Variants in PRKCZ observed in about 807,000 individuals in gnomAD.
PRKCZ encodes protein kinase C zeta type.
In PRKCZ, 33 loss-of-function variants were observed where a neutral mutation model predicts 79.5. The observed-to-expected ratio is 0.41, with a 90% CI of 0.31 to 0.55. The LOEUF is 0.55. PRKCZ is among the 20% of genes least tolerant of loss of function. The pLI is 0.19. For synonymous variants in PRKCZ, 342 were observed against 320.9 expected (o/e 1.07, Z -0.70); for missense variants, 578 against 813.5 (o/e 0.71, Z 3.52).
chr1:2,122,697 T>G (rs1250947496), intron 4 of PRKCZ, among the ~76,000 whole-genome samples: 1 of 5,136 alleles, frequency 1.9e-4, no homozygotes, highest in Non-Finnish European at 2.8e-4. Flanking sequence ...TGGTTAGGGT[T>G]GTGGTGGTTA....
chr1:2,154,657 C>T (rs1240399866), intron 9 of PRKCZ, among the ~76,000 whole-genome samples: 1 of 152,174 alleles, frequency 6.6e-6, no homozygotes, highest in Non-Finnish European at 1.5e-5. Context: ...GTAATCGCAC[C>T]CCTGTGATCC....
chr1:2,110,845 G>T (rs1253910029), intron 4 of PRKCZ, among the ~76,000 whole-genome samples: 1 of 151,936 alleles, frequency 6.6e-6, no homozygotes, highest in Non-Finnish European at 1.5e-5. Flanking sequence ...TCCCTGTAGG[G>T]GCTGGTGACA....
At position 2,179,010 on chromosome 1, in the gene PRKCZ, C is replaced by T. The variant is rs539511657; in HGVS notation, c.1575+3697C>T. 2.0e-3 allele frequency among the ~76,000 whole-genome samples: 310 copies of T among 152,320 alleles called. 3 individuals carry two copies. In the Middle Eastern group the frequency reaches 0.031, roughly 15 times the overall value. ...GCCACTGGGGTGTGACTCTGGGGCC[C>T]GGCACCGGGTCCCCAACACTGCTTT... On this transcript the variant is annotated intron_variant, in intron 16 of 17. Coordinates refer to ENST00000378567, the MANE Select transcript of PRKCZ (RefSeq NM_002744.6).
At chr1:2,135,448 C>A in intron 5 of PRKCZ, 101 bp downstream of exon 5, 1 of 1,120,640 alleles carries the variant, frequency 8.9e-7, no homozygotes, top group Non-Finnish European at 1.3e-6. Flanking sequence ...CCAGGCTGGG[C>A]TCTTTTTGGC....
At position 2,155,133 on chromosome 1, in the gene PRKCZ, CGAT is replaced by C. The variant is rs535195689; in HGVS notation, c.877-857_877-855del. 2.2e-3 allele frequency among the ~76,000 whole-genome samples: 341 copies of C among 151,632 alleles called. 1 individual carries two copies. The highest frequency in any genetic ancestry group is 7.8e-3 in the African/African-American group (322 of 41,250). The stretch of plus-strand genomic sequence containing the variant: ...ATGATGATGGTGACAATGATGGTGA[CGAT>C]GATGGTGATGATGGTGATGATGGTG... On this transcript the variant is annotated intron_variant, in intron 9 of 17. Transcript: ENST00000378567.
intron 4 of PRKCZ, among the ~76,000 whole-genome samples, chr1:2,122,501 T>C (rs867780756): frequency 1.6e-4 from 1 of 6,214 alleles, no homozygotes; most frequent in African/African-American, 8.0e-4. Flanking sequence ...AGGGTCACGG[T>C]GGTAGTTAGG....
At chr1:2,153,444 C>CAGAGCT (rs1444273005) in intron 9 of PRKCZ, among the ~76,000 whole-genome samples, 1 of 152,190 alleles carries the variant, frequency 6.6e-6, no homozygotes, top group Admixed American at 6.5e-5. Flanking sequence ...GCTGGGAGGG[C>CAGAGCT]AGAGCTGGGG....
At chr1:2,139,762 G>A (rs1330691972) in intron 5 of PRKCZ, among the ~76,000 whole-genome samples, 3 of 152,168 alleles carry the variant, frequency 2.0e-5, no homozygotes, top group South Asian at 4.1e-4. Context: ...GAAATCACCC[G>A]TCATTCGGAG....
rs1673680207 is a variant in PRKCZ at position 2,125,440 on chromosome 1, G to C, written c.335-9822G>C. 6.6e-6 allele frequency among the ~76,000 whole-genome samples: 1 copy of C among 152,210 alleles called. No individual in the cohort carries two copies. Among genetic ancestry groups the C allele is most frequent in the Non-Finnish European group, 1.5e-5 (1 of 68,038 alleles). On this transcript the variant is annotated intron_variant, in intron 4 of 17. Coordinates refer to ENST00000378567, the MANE Select transcript of PRKCZ (RefSeq NM_002744.6). The surrounding 1 kb of genome is among the most constrained non-coding windows in gnomAD (Gnocchi z 4.2). ...CTCAGGGGCACTTTCCTGAACGGCTGCTGACAGCAGCATTTGAGGACGGTG... is the reference window on the plus strand; with the variant it reads ...CTCAGGGGCACTTTCCTGAACGGCTCCTGACAGCAGCATTTGAGGACGGTG...
At chr1:2,053,553 T>C (rs1035262262) in intron 1 of PRKCZ, among the ~76,000 whole-genome samples, 1 of 152,146 alleles carries the variant, frequency 6.6e-6, no homozygotes, top group African/African-American at 2.4e-5. Context: ...ACAGGGCAGC[T>C]GTTTGATTCA....
At chr1:2,139,482 C>T (rs1212425971) in intron 5 of PRKCZ, among the ~76,000 whole-genome samples, 5 of 151,948 alleles carry the variant, frequency 3.3e-5, no homozygotes, top group African/African-American at 7.3e-5. Flanking sequence ...CCCAGCTACT[C>T]GGGAGGCTGA....
rs1014631834 is a variant in PRKCZ, at chr1:2,174,418, C to T, written c.1406-336C>T. Among the ~76,000 whole-genome samples the T allele has an allele frequency of 6.6e-6, 1 of 152,238 alleles. No homozygotes were observed. The highest frequency in any genetic ancestry group is 1.5e-5 in the Non-Finnish European group (1 of 68,046). Reference sequence around the variant, plus strand: ...CCTGCTCCTGGTCTGGAATTCAGTGCTGTGGGGATGTGGGATCTGGGAACG... The same window carrying T: ...CCTGCTCCTGGTCTGGAATTCAGTGTTGTGGGGATGTGGGATCTGGGAACG... On this transcript the variant is annotated intron_variant, in intron 14 of 17. Transcript: ENST00000378567. The surrounding 1 kb of genome is among the most constrained non-coding windows in gnomAD (Gnocchi z 6.2).
At chr1:2,169,227 C>T (rs1375915823) in intron 10 of PRKCZ, 1 of 492,542 alleles carries the variant, frequency 2.0e-6, no homozygotes. Flanking sequence ...CGGGCCACCT[C>T]CTTCATTCCG....
chr1:2,156,205 G>C, intron 10 of PRKCZ, 113 bp downstream of exon 10: 1 of 1,002,666 alleles, frequency 1.0e-6, no homozygotes, highest in Non-Finnish European at 1.5e-6. Context: ...CCCAGTTGCT[G>C]TACGGGTGTT....
rs1673679746 is a variant in PRKCZ at position 2,125,437 on chromosome 1, G to C, written c.335-9825G>C. On this transcript the variant is annotated intron_variant, in intron 4 of 17. Transcript: ENST00000378567. This position sits in a 1 kb window ranked among gnomAD's most constrained non-coding sequence, Gnocchi z 4.2. ...TCTCTCAGGGGCACTTTCCTGAACG[G>C]CTGCTGACAGCAGCATTTGAGGACG... is the stretch of plus-strand genomic sequence containing the variant. Among the ~76,000 whole-genome samples the C allele has an allele frequency of 6.6e-6, 1 of 152,178 alleles. No individual in the cohort carries two copies. Among genetic ancestry groups the C allele is most frequent in the Non-Finnish European group, 1.5e-5 (1 of 68,030 alleles).
intron 4 of PRKCZ, among the ~76,000 whole-genome samples, chr1:2,101,183 C>G (rs919617478): frequency 2.0e-5 from 3 of 152,164 alleles, no homozygotes; most frequent in Admixed American, 6.5e-5. Context: ...AGACTTTATT[C>G]CCATACCTTT....
chr1:2,137,734 G>C (rs189284406), intron 5 of PRKCZ, among the ~76,000 whole-genome samples: 1 of 152,200 alleles, frequency 6.6e-6, no homozygotes, highest in Non-Finnish European at 1.5e-5. Flanking sequence ...CCATTCTGCC[G>C]ATGGCAGGTG....
chr1:2,151,842 T>G (rs1679962308), intron 9 of PRKCZ, among the ~76,000 whole-genome samples: 1 of 152,012 alleles, frequency 6.6e-6, no homozygotes, highest in Admixed American at 6.5e-5. Context: ...GTATTTTTTG[T>G]AGAGGCAGTG....
At chr1:2,104,540 G>A (rs76832540) in intron 4 of PRKCZ, among the ~76,000 whole-genome samples, 4,709 of 152,188 alleles carry the variant, frequency 0.031, 254 homozygotes, top group African/African-American at 0.1. Context: ...CCAGTGGCGC[G>A]AATGGTGGGA....
Sources: gnomAD v4.1 joint callset for allele counts (sites outside exome capture counted in the v4.1 genomes callset) on GRCh38, gnomAD v4.1.1 for gene constraint, Gnocchi (gnomAD v3.1) non-coding constraint, MANE v1.5 for transcripts, NCBI Gene and HGNC (gene_info 2026-07-23, HGNC 2026-07-21) for gene names.